Variants in RAB27B observed in about 807,000 individuals in gnomAD.
The protein encoded by RAB27B is ras-related protein Rab-27B.
RAB27B carries 15 observed loss-of-function variants against 24.6 expected under a neutral mutation model. That is an observed-to-expected ratio of 0.61 (90% CI 0.41 to 0.94). The LOEUF is 0.94. Among genes scored for constraint, RAB27B ranks in the 40% least tolerant of loss-of-function variants. RAB27B has a pLI of 0.00. For synonymous variants in RAB27B, 105 were observed against 92.5 expected (o/e 1.14, Z -0.78); for missense variants, 261 against 266.8 (o/e 0.98, Z 0.15).
intron 2 of RAB27B, among the ~76,000 whole-genome samples, chr18:54,759,143 G>A (rs1908102348): frequency 6.6e-6 from 1 of 152,130 alleles, no homozygotes; most frequent in Non-Finnish European, 1.5e-5. Context: ...CTGCAAAGTG[G>A]AAGTCACTAA....
At chr18:54,851,284 A>G (rs1911577072) in intron 1 of RAB27B, among the ~76,000 whole-genome samples, 1 of 152,172 alleles carries the variant, frequency 6.6e-6, no homozygotes, top group Admixed American at 6.5e-5. Flanking sequence ...ACTTTATAAT[A>G]GTGTTTGTTT....
At chr18:54,871,758 G>A (rs1348935855) in intron 1 of RAB27B, among the ~76,000 whole-genome samples, 2 of 149,386 alleles carry the variant, frequency 1.3e-5, no homozygotes, top group African/African-American at 4.9e-5. Context: ...ACTGAGGCAG[G>A]AGAATGGCAT....
intron 1 of RAB27B, among the ~76,000 whole-genome samples, chr18:54,832,048 A>G (rs1282101757): frequency 6.6e-6 from 1 of 152,194 alleles, no homozygotes. Context: ...TGCTGGGATT[A>G]CAGATGTGAG....
At chr18:54,835,003 C>T (rs1910840150) in intron 1 of RAB27B, among the ~76,000 whole-genome samples, 3 of 151,756 alleles carry the variant, frequency 2.0e-5, no homozygotes, top group Admixed American at 2.0e-4. Flanking sequence ...ATTATATTTG[C>T]CCAATCTAAC....
At chr18:54,829,486 C>T (rs1293264306) in intron 1 of RAB27B, among the ~76,000 whole-genome samples, 4 of 152,130 alleles carry the variant, frequency 2.6e-5, no homozygotes, top group South Asian at 4.1e-4. Flanking sequence ...TTGTTTTAAA[C>T]TGCACATCAT....
intron 2 of RAB27B, among the ~76,000 whole-genome samples, chr18:54,780,751 A>G (rs776569757): frequency 2.0e-5 from 3 of 152,186 alleles, no homozygotes; most frequent in Non-Finnish European, 4.4e-5. Flanking sequence ...ACATAAGCCC[A>G]TAACACCTAC....
intron 2 of RAB27B, among the ~76,000 whole-genome samples, chr18:54,755,139 C>T (rs1053356750): frequency 3.9e-4 from 60 of 152,272 alleles, no homozygotes; most frequent in African/African-American, 1.2e-3. Flanking sequence ...CCTGTAATCC[C>T]AGCACTTTGA....
chr18:54,729,685 T>C (rs1909669001), intron 2 of RAB27B, among the ~76,000 whole-genome samples: 1 of 152,086 alleles, frequency 6.6e-6, no homozygotes, highest in Non-Finnish European at 1.5e-5. Flanking sequence ...CAGGCAAATA[T>C]AATAGTAAAA....
At position 54,877,661 on chromosome 18, in the gene RAB27B, CTTT is replaced by C; in HGVS notation, c.77_79del (p.Leu26_Tyr27delinsHis). 6.3e-7 allele frequency: 1 copy of C among 1,597,232 alleles called. No individual in the cohort carries two copies. The highest frequency in any genetic ancestry group is 8.5e-7 in the Non-Finnish European group (1 of 1,174,990). On this transcript the variant is annotated inframe_deletion, in exon 2 of 6. Transcript: ENST00000262094. Reference sequence around the variant, plus strand: ...TTCAGGGGTGGGGAAGACAACATTTCTTTATAGATACACAGATAATAAATTCAA... The same window carrying C: ...TTCAGGGGTGGGGAAGACAACATTTCATAGATACACAGATAATAAATTCAA...
At chr18:54,731,720 A>G (rs1909739256) in intron 2 of RAB27B, among the ~76,000 whole-genome samples, 1 of 152,218 alleles carries the variant, frequency 6.6e-6, no homozygotes, top group South Asian at 2.1e-4. Context: ...TTTTAAGTAT[A>G]CATACACATT....
rs904037380 is a variant in RAB27B at position 54,733,657 on chromosome 18, C to CCG, written c.-20+15517_-20+15518insGC. Among the ~76,000 whole-genome samples the CCG allele has an allele frequency of 7.5e-4, 102 of 135,992 alleles. 5 individuals are homozygous for CCG. Among genetic ancestry groups the CCG allele is most frequent in the Middle Eastern group, 7.6e-3 (2 of 264 alleles). The allele number at this position is 135,992 out of a possible 152,430, so 89.2% of individuals were successfully genotyped here. On this transcript the variant is annotated intron_variant, in intron 2 of 4. Transcript: ENST00000586570. ...GAAATCTTCTGTTCTAGAGCCCCCC[C>CCG]CCCCCAAATTTGCTAAGCTCCTTGG...
chr18:54,732,887 T>A (rs1050553972), intron 2 of RAB27B, among the ~76,000 whole-genome samples: 2 of 152,114 alleles, frequency 1.3e-5, no homozygotes, highest in African/African-American at 4.8e-5. Flanking sequence ...ACAAACTAAA[T>A]CCCTTCCCTT....
intron 3 of RAB27B, among the ~76,000 whole-genome samples, chr18:54,883,261 T>G (rs971978153): frequency 6.6e-6 from 1 of 152,036 alleles, no homozygotes; most frequent in Admixed American, 6.6e-5. Context: ...TTTGGGCTTC[T>G]CAACACACAG....
intron 1 of RAB27B, among the ~76,000 whole-genome samples, chr18:54,860,189 C>G (rs988549615): frequency 3.3e-5 from 5 of 152,042 alleles, no homozygotes; most frequent in African/African-American, 1.2e-4. Context: ...GTTACATACT[C>G]GCGACTGCAG....
intron 2 of RAB27B, among the ~76,000 whole-genome samples, chr18:54,823,122 T>C (rs1910363428): frequency 6.6e-6 from 1 of 152,222 alleles, no homozygotes; most frequent in South Asian, 2.1e-4. Flanking sequence ...GAGCTACACA[T>C]TTAAAGTAAT....
intron 2 of RAB27B, among the ~76,000 whole-genome samples, chr18:54,756,645 G>T (rs953777872): frequency 3.3e-5 from 5 of 152,082 alleles, no homozygotes; most frequent in African/African-American, 4.8e-5. Flanking sequence ...ATGAGTCTGG[G>T]CAGGGCTAGC....
At chr18:54,853,161 T>C (rs913128811) in intron 1 of RAB27B, among the ~76,000 whole-genome samples, 1 of 152,200 alleles carries the variant, frequency 6.6e-6, no homozygotes, top group African/African-American at 2.4e-5. Context: ...TTGACGTTCT[T>C]TTTGAAAACT....
intron 2 of RAB27B, among the ~76,000 whole-genome samples, chr18:54,812,550 A>AAC (rs10595171): frequency 0.093 from 12,891 of 138,972 alleles, 766 homozygotes; most frequent in African/African-American, 0.16. Flanking sequence ...GAACTCCTTT[A>AAC]ACACACACAC....
intron 2 of RAB27B, among the ~76,000 whole-genome samples, chr18:54,815,643 T>C (rs943282363): frequency 6.6e-6 from 1 of 152,244 alleles, no homozygotes; most frequent in Non-Finnish European, 1.5e-5. Flanking sequence ...TTACTACTTT[T>C]CTTGATAATT....
Sources: allele counts gnomAD v4.1 joint callset (sites outside exome capture counted in the v4.1 genomes callset), GRCh38; gene constraint gnomAD v4.1.1; transcripts MANE v1.5; gene names NCBI Gene and HGNC (gene_info 2026-07-23, HGNC 2026-07-21).